Variants in PCAT7 observed in about 807,000 individuals in gnomAD.
PCAT7 encodes the protein prostate cancer associated transcript 7 (non-protein coding).
At chr9:94,558,111 T>C (rs1827035041) in intron 1 of PCAT7, among the ~76,000 whole-genome samples, 1 of 152,220 alleles carries the variant, frequency 6.6e-6, no homozygotes, top group Non-Finnish European at 1.5e-5. Flanking sequence ...AATTATAGAC[T>C]CTTAAGATAG....
At chr9:94,559,258 CACCTTGCAAGAGTGGGCCCGAGCTT>C in intron 2 of PCAT7, 4 of 767,540 alleles carry the variant, frequency 5.2e-6, no homozygotes, top group Non-Finnish European at 8.3e-6. Flanking sequence ...GCGCACCATG[CACCTTGCAAGAGTGGGCCCGAGCTT>C]TAGAGCCTAC....
At chr9:94,571,227 C>T (rs990423644) in intron 2 of PCAT7, among the ~76,000 whole-genome samples, 3 of 152,082 alleles carry the variant, frequency 2.0e-5, no homozygotes, top group Non-Finnish European at 4.4e-5. Flanking sequence ...AAGGAGAGGG[C>T]CTGAGTTGAT....
At chr9:94,560,181 C>A (rs781575849) in intron 2 of PCAT7, among the ~76,000 whole-genome samples, 1 of 152,110 alleles carries the variant, frequency 6.6e-6, no homozygotes, top group East Asian at 1.9e-4. Context: ...GGGTCCCAGC[C>A]GAGGGCAGAA....
At chr9:94,558,672 T>C (rs1348405897) in intron 1 of PCAT7, 1 of 411,086 alleles carries the variant, frequency 2.4e-6, no homozygotes, top group Non-Finnish European at 4.5e-6. Flanking sequence ...GACGGAATTA[T>C]AACCATATTT....
At position 94,561,352 on chromosome 9, in the gene PCAT7, A is replaced by ACTTTTTTTTT. The variant is rs1827097696; in HGVS notation, n.441+2200_441+2201insCTTTTTTTTT. Among the ~76,000 whole-genome samples, 6 of 54,988 alleles carry ACTTTTTTTTT rather than the reference A, an allele frequency of 1.1e-4. 1 individual carries two copies. The highest frequency in any genetic ancestry group is 4.7e-4 in the African/African-American group (6 of 12,802). The allele number at this position is 54,988 out of a possible 152,430, so 36.1% of individuals were successfully genotyped here. A position where few individuals can be genotyped will look rare whatever the true frequency, so the allele number is the denominator to read the frequency against. ...GCAGGCCATGTGACATGTGACCTGT[A>ACTTTTTTTTT]TTTTTTTTTTTTTTTTTTTTTTTTT... is the stretch of plus-strand genomic sequence containing the variant. On this transcript the variant is annotated intron_variant and non_coding_transcript_variant, in intron 2 of 8. Transcript: ENST00000647389.
At chr9:94,561,350 G>GT (rs1463916724) in intron 2 of PCAT7, among the ~76,000 whole-genome samples, 1 of 59,790 alleles carries the variant, frequency 1.7e-5, no homozygotes, top group African/African-American at 4.9e-5. Flanking sequence ...CATGTGACCT[G>GT]TATTTTTTTT....
At chr9:94,561,426 G>A (rs984034004) in intron 2 of PCAT7, among the ~76,000 whole-genome samples, 4 of 137,936 alleles carry the variant, frequency 2.9e-5, no homozygotes, top group East Asian at 2.4e-4. Context: ...GCAGTGGCGC[G>A]ATCTCGGCTC....
At chr9:94,567,927 G>C (rs1417693197) in intron 2 of PCAT7, 2 of 152,678 alleles carry the variant, frequency 1.3e-5, no homozygotes, top group Non-Finnish European at 2.9e-5. Flanking sequence ...AGGAGATCGA[G>C]ACCATCCTGG....
intron 2 of PCAT7, chr9:94,567,319 T>C: frequency 6.2e-7 from 1 of 1,614,202 alleles, no homozygotes; most frequent in Non-Finnish European, 8.5e-7. Context: ...CGCATCAAAA[T>C]ACTTGGCATA....
At chr9:94,570,591 A>AT (rs1209032297) in intron 2 of PCAT7, 1 of 152,212 alleles carries the variant, frequency 6.6e-6, no homozygotes, top group African/African-American at 2.4e-5. Flanking sequence ...TGAGGGTAAT[A>AT]TTTGCAAGCC....
chr9:94,560,373 T>C (rs1175671232), intron 2 of PCAT7, among the ~76,000 whole-genome samples: 4 of 152,148 alleles, frequency 2.6e-5, no homozygotes, highest in African/African-American at 4.8e-5. Flanking sequence ...GAATGGACTT[T>C]TTAGGTCTAT....
intron 2 of PCAT7, among the ~76,000 whole-genome samples, chr9:94,565,285 G>A (rs749190138): frequency 4.7e-5 from 7 of 149,462 alleles, no homozygotes; most frequent in Non-Finnish European, 1.0e-4. Flanking sequence ...TGAGGCAGGA[G>A]AATCGCTTGA....
intron 1 of PCAT7, among the ~76,000 whole-genome samples, chr9:94,557,283 A>G (rs76561339): frequency 0.092 from 14,003 of 152,270 alleles, 1,275 homozygotes; most frequent in African/African-American, 0.23. Context: ...AGTTGAACAC[A>G]GATTGCATTG....
At chr9:94,556,122 C>T (rs1042138134) in intron 1 of PCAT7, among the ~76,000 whole-genome samples, 15 of 145,574 alleles carry the variant, frequency 1.0e-4, no homozygotes, top group African/African-American at 2.3e-4. Context: ...GGGGGAAAGA[C>T]GATGAGGAAA....
At chr9:94,554,965 G>GA (rs1410813990), upstream of PCAT7, 8 of 152,214 alleles carry the variant, frequency 5.3e-5, no homozygotes, top group Non-Finnish European at 7.3e-5. Flanking sequence ...TTGGATGAGA[G>GA]AAAAACCTCT....
At chr9:94,564,859 T>C (rs1355182356) in intron 2 of PCAT7, among the ~76,000 whole-genome samples, 4 of 152,178 alleles carry the variant, frequency 2.6e-5, no homozygotes, top group African/African-American at 7.2e-5. Flanking sequence ...GAATATGTTA[T>C]AGTGTTCTGA....
chr9:94,572,688 T>C (rs1035087576), intron 2 of PCAT7, among the ~76,000 whole-genome samples: 8 of 152,116 alleles, frequency 5.3e-5, no homozygotes, highest in East Asian at 3.9e-4. Context: ...TCCACAGATA[T>C]TGCATTTAAT....
chr9:94,565,769 A>G (rs972256219), intron 2 of PCAT7, among the ~76,000 whole-genome samples: 2 of 43,610 alleles, frequency 4.6e-5, no homozygotes, highest in African/African-American at 1.3e-4. Flanking sequence ...AGATACATAG[A>G]TGATAGATAG....
intron 2 of PCAT7, among the ~76,000 whole-genome samples, chr9:94,562,309 CAAAAAAAAAAAAAA>C (rs397893359): frequency 1.4e-5 from 1 of 72,106 alleles, no homozygotes; most frequent in Non-Finnish European, 2.6e-5. Flanking sequence ...GACTCCATCT[CAAAAAAAAAAAAAA>C]AAAAAAAAAG....
Sources: allele counts gnomAD v4.1 joint callset (sites outside exome capture counted in the v4.1 genomes callset), GRCh38; gene constraint gnomAD v4.1.1; transcripts MANE v1.5; gene names NCBI Gene and HGNC (gene_info 2026-07-23, HGNC 2026-07-21).